Variants in PPFIBP2 observed in about 807,000 individuals in gnomAD.
The protein encoded by PPFIBP2 is liprin-beta-2.
A neutral mutation model predicts 118.3 loss-of-function variants in PPFIBP2; 118 were observed. The observed-to-expected ratio is 1.00, with a 90% CI of 0.86 to 1.16. The LOEUF (loss-of-function observed/expected upper bound fraction) is 1.16, where lower values mean the gene tolerates loss of function less well. PPFIBP2 is among the 50% of genes most tolerant of loss of function. The probability of loss-of-function intolerance (pLI) is 0.00; values close to 1 mark genes in which losing one functional copy is unlikely to be tolerated. For synonymous variants in PPFIBP2, 414 were observed against 397.4 expected, an observed-to-expected ratio of 1.04 and a Z score of -0.50; for missense variants, 1,195 against 1,073.1, an observed-to-expected ratio of 1.11 and a Z score of -1.59.
At chr11:7,628,197 T>C (rs1850276217) in intron 8 of PPFIBP2, 88 bp from the exon 9 acceptor site, 8 of 1,115,662 alleles carry the variant, frequency 7.2e-6, no homozygotes, top group Non-Finnish European at 1.1e-5. Flanking sequence ...ATGGCAAGTC[T>C]TCATTTGAAC....
intron 1 of PPFIBP2, among the ~76,000 whole-genome samples, chr11:7,543,281 A>C (rs1005352451): frequency 6.6e-6 from 1 of 152,248 alleles, no homozygotes; most frequent in African/African-American, 2.4e-5. Flanking sequence ...GCTATGGCTT[A>C]TGGGAGGCCT....
chr11:7,515,029 G>A (rs184427941), intron 1 of PPFIBP2, among the ~76,000 whole-genome samples: 2 of 152,266 alleles, frequency 1.3e-5, no homozygotes, highest in Admixed American at 1.3e-4. Context: ...ATTATGTGAA[G>A]TTAAATGGTC....
rs189560280 is a variant in PPFIBP2 at position 7,612,420 on chromosome 11, C to T, written c.618+1998C>T. Among the ~76,000 whole-genome samples the T allele has an allele frequency of 2.0e-5, 3 of 152,210 alleles. No individual in the cohort carries two copies. The East Asian group carries it at 5.8e-4, about 29-fold the overall frequency. On this transcript the variant is annotated intron_variant, in intron 6 of 23. Transcript: ENST00000299492. ...ATCTGTGCATGAGGGGTGGGAGGTG[C>T]GAATATGAAAGTCAGCCCGTGTGTG...
chr11:7,560,274 G>T (rs1448504357), intron 2 of PPFIBP2, among the ~76,000 whole-genome samples: 1 of 152,172 alleles, frequency 6.6e-6, no homozygotes, highest in African/African-American at 2.4e-5. Flanking sequence ...AAGAACAAGA[G>T]AACCTAGAGT....
chr11:7,651,903 C>T (rs138558869), intron 23 of PPFIBP2, 59 bp downstream of exon 23: 20 of 1,478,944 alleles, frequency 1.4e-5, no homozygotes, highest in Admixed American at 5.5e-5. Flanking sequence ...TCACGCAGCA[C>T]AGCACCTGGC....
chr11:7,631,100 C>T, intron 11 of PPFIBP2, 72 bp downstream of exon 11: 1 of 1,112,262 alleles, frequency 9.0e-7, no homozygotes, highest in African/African-American at 1.6e-5. Flanking sequence ...GAGGGAGGAT[C>T]TAGTCAGACA....
Position 7,642,421 on chromosome 11 carries a change from G to C in PPFIBP2, c.1641G>C (p.Gln547His), listed in dbSNP as rs559581395. Residue 547 changes from glutamine (Q) to histidine (H), a missense_variant, in exon 17 of 24, where the codon CAG becomes CAC. Gln to His is a conservative substitution (Grantham distance 24). Coordinates refer to ENST00000299492, the MANE Select transcript of PPFIBP2 (RefSeq NM_003621.5). The stretch of plus-strand genomic sequence containing the variant: ...CTAGGACCAGGGACTCCAAGGGACA[G>C]AAAAGGTAAGGCTTGACCCACTTTC... ...RLSRTRDSKG[Q>H]KSDANAPFAQ... is the part of the protein sequence containing the mutation. 29 of 1,613,158 alleles carry C rather than the reference G, an allele frequency of 1.8e-5. No homozygotes were observed. In the South Asian group the frequency reaches 2.9e-4, roughly 16 times the overall value.
At chr11:7,579,987 C>A (rs1857028232) in intron 3 of PPFIBP2, among the ~76,000 whole-genome samples, 1 of 152,134 alleles carries the variant, frequency 6.6e-6, no homozygotes, top group South Asian at 2.1e-4. Context: ...CCCTTTCGTC[C>A]TGTGACCCCA....
intron 6 of PPFIBP2, among the ~76,000 whole-genome samples, chr11:7,613,575 AC>A (rs901614156): frequency 2.0e-5 from 3 of 152,214 alleles, no homozygotes; most frequent in African/African-American, 4.8e-5. Flanking sequence ...GAAAAGTAGG[AC>A]TACAGAAGAG....
At position 7,649,652 on chromosome 11, in the gene PPFIBP2, G is replaced by A. The variant is rs1275346356; in HGVS notation, c.2119G>A (p.Glu707Lys). 6.2e-7 allele frequency: 1 copy of A among 1,614,228 alleles called. No individual in the cohort carries two copies. The highest frequency in any genetic ancestry group is 1.1e-5 in the South Asian group (1 of 91,086). ...PHCLHRRPAD[E>K]SNLSPSEVVQ... Reference sequence around the variant, plus strand: ...CTGCCTGCACCGGCGGCCAGCTGATGAGGTGAGACCACAAATAGTATCTCT... The same window carrying A: ...CTGCCTGCACCGGCGGCCAGCTGATAAGGTGAGACCACAAATAGTATCTCT... The change falls in exon 21 of 24, where the codon GAG becomes AAG. Residue 707 changes from glutamate to lysine, a missense_variant and splice_region_variant. Transcript: ENST00000299492.
At chr11:7,565,235 T>C (rs10219240) in intron 2 of PPFIBP2, among the ~76,000 whole-genome samples, 4 of 152,218 alleles carry the variant, frequency 2.6e-5, no homozygotes, top group African/African-American at 9.6e-5. Flanking sequence ...ACATTGTGAG[T>C]GATTCAGCTG....
chr11:7,666,444 G>C, the PPFIBP2 span: 3 of 1,589,710 alleles, frequency 1.9e-6, no homozygotes, highest in Non-Finnish European at 2.6e-6. Context: ...GGCAATGGAT[G>C]TCGTACCAAT....
chr11:7,560,044 A>G (rs543059038), intron 2 of PPFIBP2, among the ~76,000 whole-genome samples: 1 of 152,332 alleles, frequency 6.6e-6, no homozygotes, highest in Middle Eastern at 3.4e-3. Context: ...TAAGCAGCAC[A>G]TGGCTAGCTT....
At chr11:7,591,207 A>T (rs1859224889) in intron 3 of PPFIBP2, among the ~76,000 whole-genome samples, 1 of 152,106 alleles carries the variant, frequency 6.6e-6, no homozygotes, top group South Asian at 2.1e-4. Flanking sequence ...CATTTGAATA[A>T]GGCATAGTTG....
intron 14 of PPFIBP2, among the ~76,000 whole-genome samples, chr11:7,638,787 C>T (rs1851758407): frequency 6.6e-6 from 1 of 152,158 alleles, no homozygotes; most frequent in Non-Finnish European, 1.5e-5. Context: ...TAAGAGAGGC[C>T]ATTGTATGCC....
chr11:7,648,938 A>C, intron 19 of PPFIBP2, 27 bp downstream of exon 19: 1 of 1,580,938 alleles, frequency 6.3e-7, no homozygotes, highest in Non-Finnish European at 8.7e-7. Flanking sequence ...ATGTATTAAG[A>C]ATGTCTCTGG....
At chr11:7,565,832 C>T in intron 3 of PPFIBP2, 65 bp downstream of exon 3, 1 of 1,544,530 alleles carries the variant, frequency 6.5e-7, no homozygotes, top group Non-Finnish European at 8.9e-7. Flanking sequence ...CATGGAGTGC[C>T]ACTGCTGACT....
chr11:7,550,395 C>T (rs1410662926), intron 2 of PPFIBP2, among the ~76,000 whole-genome samples: 2 of 152,170 alleles, frequency 1.3e-5, no homozygotes, highest in African/African-American at 4.8e-5. Context: ...CCTGACACTG[C>T]CCTTTCTCAG....
intron 19 of PPFIBP2, 94 bp from the exon 20 acceptor site, chr11:7,649,053 C>G: frequency 3.6e-6 from 5 of 1,405,254 alleles, no homozygotes; most frequent in Non-Finnish European, 5.0e-6. Flanking sequence ...GGGAATAAAA[C>G]GAACCTCAAA....
Sources: allele counts gnomAD v4.1 joint callset (sites outside exome capture counted in the v4.1 genomes callset), GRCh38; gene constraint gnomAD v4.1.1; transcripts MANE v1.5; gene names NCBI Gene and HGNC (gene_info 2026-07-23, HGNC 2026-07-21).